The following ROBO2 variants were observed in gnomAD, a reference collection of about 807,000 sequenced individuals.
The protein encoded by ROBO2 is roundabout guidance receptor 2.
ROBO2 carries 53 observed loss-of-function variants against 160.8 expected under a neutral mutation model. The ratio of observed to expected loss-of-function variants is 0.33; its 90% CI spans 0.26 to 0.41. The LOEUF (loss-of-function observed/expected upper bound fraction) is 0.41. Ranked by LOEUF, ROBO2 falls within the 10% of genes least tolerant of loss-of-function variation. The pLI, the probability that ROBO2 is intolerant of heterozygous loss-of-function variation, is 1.00. For missense variants in ROBO2, 1,577 were observed against 1,722.4 expected (o/e 0.92, Z 1.49); for synonymous variants, 664 against 611.7 (o/e 1.09, Z -1.26).
At chr3:77,550,872 C>T (rs748085053) in exon 8 of ROBO2, 1 of 1,613,134 alleles carries the variant, frequency 6.2e-7, no homozygotes, top group South Asian at 1.1e-5. Context: ...CTCAGTGTCA[C>T]CAACTGGAGA....
At chr3:76,820,136 C>A (rs1576835039) in intron 2 of ROBO2, among the ~76,000 whole-genome samples, 2 of 152,124 alleles carry the variant, frequency 1.3e-5, no homozygotes, top group East Asian at 3.9e-4. Flanking sequence ...GTTTCATGTA[C>A]ACATTTTGAT....
At chr3:77,248,881 T>C (rs1251203037) in intron 2 of ROBO2, among the ~76,000 whole-genome samples, 1 of 151,682 alleles carries the variant, frequency 6.6e-6, no homozygotes, top group Non-Finnish European at 1.5e-5. Context: ...GTGAAAGTCA[T>C]TACTTTTATT....
intron 2 of ROBO2, among the ~76,000 whole-genome samples, chr3:77,384,167 T>C (rs1269828120): frequency 1.3e-5 from 2 of 152,192 alleles, no homozygotes; most frequent in African/African-American, 4.8e-5. Flanking sequence ...GGGTGGAGAC[T>C]AGTGCTCAAT....
At chr3:77,097,958 C>A in intron 1 of ROBO2, 56 bp from the exon 2 acceptor site, 2 of 1,412,374 alleles carry the variant, frequency 1.4e-6, no homozygotes, top group South Asian at 1.6e-5. Context: ...CAAGTGAAAC[C>A]GAGGGTTTAG....
intron 19 of ROBO2, among the ~76,000 whole-genome samples, chr3:77,600,936 C>A (rs916724408): frequency 6.6e-6 from 1 of 152,122 alleles, no homozygotes; most frequent in African/African-American, 2.4e-5. Flanking sequence ...AACAACTTCA[C>A]TGATACACAT....
At chr3:76,937,704 TTTAACC>T (rs1452289982) in intron 2 of ROBO2, among the ~76,000 whole-genome samples, 11 of 152,146 alleles carry the variant, frequency 7.2e-5, no homozygotes, top group African/African-American at 2.7e-4. Flanking sequence ...AACTCTGCAT[TTTAACC>T]TAAGCATTTT....
At chr3:76,294,737 T>A (rs559710426) in intron 2 of ROBO2, among the ~76,000 whole-genome samples, 1 of 152,336 alleles carries the variant, frequency 6.6e-6, no homozygotes, top group African/African-American at 2.4e-5. Context: ...GATTCAAATA[T>A]ATTTCATGAA....
chr3:76,835,415 T>C lies in ROBO2; in HGVS notation c.110-262599T>C, dbSNP rs954760651. 5.4e-5 allele frequency among the ~76,000 whole-genome samples: 8 copies of C among 147,350 alleles called. 1 individual carries two copies. Among genetic ancestry groups the C allele is most frequent in the South Asian group, 2.1e-4 (1 of 4,778 alleles). The stretch of plus-strand genomic sequence containing the variant: ...GTATTATATATAATAATATATAATA[T>C]ATATAATATATACAAACATATAATG... On this transcript the variant is annotated intron_variant, in intron 2 of 26. Transcript: ENST00000487694.
chr3:77,169,462 C>G (rs921069027), intron 2 of ROBO2, among the ~76,000 whole-genome samples: 3 of 152,148 alleles, frequency 2.0e-5, no homozygotes, highest in African/African-American at 7.2e-5. Context: ...ATCACACTTA[C>G]CAGGTACCAG....
chr3:77,304,360 G>T (rs1459698259), intron 2 of ROBO2, among the ~76,000 whole-genome samples: 2 of 152,200 alleles, frequency 1.3e-5, no homozygotes, highest in African/African-American at 4.8e-5. Flanking sequence ...GCACGGTGCT[G>T]TTTTCCTCAT....
chr3:77,584,677 T>C (rs1166309501), intron 16 of ROBO2, among the ~76,000 whole-genome samples: 2 of 152,182 alleles, frequency 1.3e-5, no homozygotes, highest in East Asian at 3.9e-4. Context: ...TTCTTTAAAT[T>C]GTCTTCTCTT....
intron 2 of ROBO2, among the ~76,000 whole-genome samples, chr3:76,304,724 C>A (rs985473952): frequency 1.3e-4 from 7 of 55,508 alleles, no homozygotes; most frequent in Non-Finnish European, 5.0e-4. Context: ...CTCTTTCTTT[C>A]TTTCTTTCTT....
chr3:76,613,219 T>C (rs1445460835), intron 2 of ROBO2, among the ~76,000 whole-genome samples: 2 of 152,172 alleles, frequency 1.3e-5, no homozygotes, highest in Admixed American at 6.5e-5. Flanking sequence ...TCAGTGAAGA[T>C]GATTTTCTCT....
chr3:76,474,947 C>T (rs563472102), intron 2 of ROBO2, among the ~76,000 whole-genome samples: 1 of 152,122 alleles, frequency 6.6e-6, no homozygotes, highest in Non-Finnish European at 1.5e-5. Flanking sequence ...GTCAGAAACG[C>T]AAGATAACAA....
intron 2 of ROBO2, among the ~76,000 whole-genome samples, chr3:77,453,934 G>A (rs923035416): frequency 3.3e-5 from 5 of 152,120 alleles, no homozygotes; most frequent in Non-Finnish European, 7.4e-5. Flanking sequence ...AAACATTTCT[G>A]ATGTGTTTTA....
chr3:75,978,876 T>C (rs563575126), intron 2 of ROBO2, among the ~76,000 whole-genome samples: 1 of 151,692 alleles, frequency 6.6e-6, no homozygotes, highest in South Asian at 2.1e-4. Flanking sequence ...GCGAAGTACA[T>C]GTAGGATGGG....
At chr3:76,775,251 C>T (rs1434791724) in intron 2 of ROBO2, among the ~76,000 whole-genome samples, 1 of 150,616 alleles carries the variant, frequency 6.6e-6, no homozygotes, top group Non-Finnish European at 1.5e-5. Flanking sequence ...GACAGGCTTA[C>T]TGTTGCGCAT....
intron 2 of ROBO2, among the ~76,000 whole-genome samples, chr3:77,438,198 A>G (rs2079514287): frequency 6.6e-6 from 1 of 151,770 alleles, no homozygotes; most frequent in Admixed American, 6.6e-5. Context: ...AGGTAGATAG[A>G]TGATAGATAG....
intron 2 of ROBO2, among the ~76,000 whole-genome samples, chr3:76,831,550 A>G (rs985551035): frequency 2.6e-5 from 4 of 152,188 alleles, no homozygotes; most frequent in South Asian, 4.1e-4. Flanking sequence ...AAAATTTTCT[A>G]TAATAATAAA....
Sources: allele counts gnomAD v4.1 joint callset (sites outside exome capture counted in the v4.1 genomes callset), GRCh38; gene constraint gnomAD v4.1.1; transcripts MANE v1.5; gene names NCBI Gene and HGNC (gene_info 2026-07-23, HGNC 2026-07-21).